The following ASNS variants were observed in gnomAD, a reference collection of about 807,000 sequenced individuals.
The protein encoded by ASNS is asparagine synthetase (glutamine-hydrolyzing).
In ASNS, 37 loss-of-function variants were observed where a neutral mutation model predicts 62.6. That is an observed-to-expected ratio of 0.59 (90% CI 0.45 to 0.78). The LOEUF is 0.78. Ranked by LOEUF, ASNS falls within the 30% of genes least tolerant of loss-of-function variation. ASNS has a pLI of 0.00. For missense variants in ASNS, 520 were observed against 682.4 expected (o/e 0.76, Z 2.65); for synonymous variants, 207 against 237.9 (o/e 0.87, Z 1.19).
the ASNS span, among the ~76,000 whole-genome samples, chr7:97,899,647 A>G: frequency 4.6e-5 from 7 of 152,130 alleles, no homozygotes; most frequent in Non-Finnish European, 8.8e-5. Flanking sequence ...CCACTAATCG[A>G]CTTCCTATTT....
At chr7:97,897,247 T>G in the ASNS span, among the ~76,000 whole-genome samples, 3 of 152,108 alleles carry the variant, frequency 2.0e-5, no homozygotes, top group African/African-American at 7.2e-5. Flanking sequence ...TACACAAAAA[T>G]TAACTCAAGA....
At position 97,859,266 on chromosome 7, in the gene ASNS, C is replaced by A. The variant is rs772174678; in HGVS notation, c.620G>T (p.Cys207Phe). 40 of 1,613,976 alleles carry A rather than the reference C, an allele frequency of 2.5e-5. No individual in the cohort carries two copies. Among genetic ancestry groups the A allele is most frequent in the Non-Finnish European group, 3.4e-5 (40 of 1,180,014 alleles). The change falls in exon 5 of 13, where the codon TGT becomes TTT. Residue 207 changes from cysteine (C) to phenylalanine (F), a missense_variant. Cys to Phe is a radical substitution (Grantham distance 205). Coordinates refer to ENST00000394308, the MANE Select transcript of ASNS (RefSeq NM_001673.5). ...GAGGGCGTGCAGGGGTACATCCCGA[C>A]AGTGATGATATTTAACCATTTCCAC... ...ASVEMVKYHH[C>F]RDVPLHALYD...
At chr7:97,858,238 C>G in intron 7 of ASNS, 40 bp downstream of exon 7, 1 of 1,606,888 alleles carries the variant, frequency 6.2e-7, no homozygotes, top group Non-Finnish European at 8.5e-7. Flanking sequence ...AACAAGTCTA[C>G]TCTAACTACA....
At chr7:97,895,995 A>C in the ASNS span, among the ~76,000 whole-genome samples, 1 of 151,690 alleles carries the variant, frequency 6.6e-6, no homozygotes, top group African/African-American at 2.4e-5. Flanking sequence ...GAGGAAAAAA[A>C]AAAAAACAAA....
At chr7:97,876,260 T>A (rs59320219), upstream of ASNS, among the ~76,000 whole-genome samples, 347 of 152,288 alleles carry the variant, frequency 2.3e-3, 2 homozygotes, top group African/African-American at 7.8e-3. Flanking sequence ...TTGCTGGTAT[T>A]CCTGTGCTGC....
At chr7:97,920,976 C>T in the ASNS span, among the ~76,000 whole-genome samples, 1 of 152,312 alleles carries the variant, frequency 6.6e-6, no homozygotes, top group East Asian at 1.9e-4. Flanking sequence ...GGTGAGATCC[C>T]AAGCCCTTGC....
At chr7:97,924,000 A>G in the ASNS span, among the ~76,000 whole-genome samples, 1 of 152,130 alleles carries the variant, frequency 6.6e-6, no homozygotes, top group East Asian at 1.9e-4. Flanking sequence ...CCTTAATGAA[A>G]TTAAAAGAAT....
chr7:97,877,380 A>T (rs1291535873), upstream of ASNS, among the ~76,000 whole-genome samples: 1 of 152,208 alleles, frequency 6.6e-6, no homozygotes, highest in Non-Finnish European at 1.5e-5. Context: ...GGCATGAGCC[A>T]CCATGCCTGG....
the ASNS span, among the ~76,000 whole-genome samples, chr7:97,921,607 C>T: frequency 6.6e-6 from 1 of 152,168 alleles, no homozygotes; most frequent in South Asian, 2.1e-4. Flanking sequence ...GGCAAGCAGC[C>T]CCCAGTGTGC....
the ASNS span, among the ~76,000 whole-genome samples, chr7:97,925,382 C>T: frequency 6.6e-6 from 1 of 152,146 alleles, no homozygotes; most frequent in Non-Finnish European, 1.5e-5. Flanking sequence ...AGACCAATGG[C>T]TCTCAACTGG....
the ASNS span, among the ~76,000 whole-genome samples, chr7:97,895,304 T>C: frequency 7.5e-3 from 1,142 of 152,302 alleles, 7 homozygotes; most frequent in Non-Finnish European, 0.012. Context: ...CTCTAAGAAC[T>C]GGAACAAGAC....
At chr7:97,853,000 C>T (rs556571249) in intron 12 of ASNS, 60 bp downstream of exon 12, 1 of 1,449,352 alleles carries the variant, frequency 6.9e-7, no homozygotes, top group Non-Finnish European at 9.2e-7. Context: ...AAATGAACAG[C>T]AATGACAGCT....
the ASNS span, among the ~76,000 whole-genome samples, chr7:97,879,168 T>C: frequency 6.6e-6 from 1 of 152,122 alleles, no homozygotes; most frequent in Admixed American, 6.6e-5. Flanking sequence ...AAGACTTAAA[T>C]GTTAGACCTA....
intron 1 of ASNS, among the ~76,000 whole-genome samples, chr7:97,871,503 T>A (rs56364360): frequency 0.11 from 16,431 of 150,428 alleles, 941 homozygotes; most frequent in South Asian, 0.2. Context: ...ATTTAAAATT[T>A]AAAAAAAAAA....
the ASNS span, among the ~76,000 whole-genome samples, chr7:97,893,956 G>A: frequency 6.6e-6 from 1 of 152,242 alleles, no homozygotes; most frequent in African/African-American, 2.4e-5. Context: ...ACATTCTCCA[G>A]GATAGACCAT....
chr7:97,854,202 C>T (rs1025257262), intron 10 of ASNS, among the ~76,000 whole-genome samples: 6 of 152,188 alleles, frequency 3.9e-5, no homozygotes, highest in African/African-American at 7.2e-5. Flanking sequence ...ATGATGTTTA[C>T]GATCTTTACT....
chr7:97,888,008 T>A, the ASNS span, among the ~76,000 whole-genome samples: 2 of 152,212 alleles, frequency 1.3e-5, no homozygotes, highest in Non-Finnish European at 2.9e-5. Flanking sequence ...GGGTTCTCCC[T>A]CTTTGCCTAG....
At chr7:97,881,077 G>A in the ASNS span, among the ~76,000 whole-genome samples, 124,888 of 152,194 alleles carry the variant, frequency 0.82, 51,910 homozygotes, top group African/African-American at 0.95. Flanking sequence ...AGTAGCTGGG[G>A]TTACAGGTGT....
intron 3 of ASNS, among the ~76,000 whole-genome samples, chr7:97,868,519 A>ATGTGTGTGTGTG (rs61611439): frequency 0.019 from 2,312 of 122,962 alleles, 54 homozygotes; most frequent in African/African-American, 0.059. Context: ...CAGCAAAAAC[A>ATGTGTGTGTGTG]TGTGTGTGTG....
Sources: allele counts gnomAD v4.1 joint callset (sites outside exome capture counted in the v4.1 genomes callset), GRCh38; gene constraint gnomAD v4.1.1; transcripts MANE v1.5; gene names NCBI Gene and HGNC (gene_info 2026-07-23, HGNC 2026-07-21).